DNAAF9: variants seen among roughly 807,000 people sequenced by gnomAD.
DNAAF9 encodes the protein shulin.
DNAAF9 carries 90 observed loss-of-function variants against 167.0 expected under a neutral mutation model. The ratio of observed to expected loss-of-function variants is 0.54; its 90% CI spans 0.45 to 0.64. The LOEUF is 0.64. Among genes scored for constraint, DNAAF9 ranks in the 30% least tolerant of loss-of-function variants. The pLI, the probability that DNAAF9 is intolerant of heterozygous loss-of-function variation, is 0.00. For synonymous variants in DNAAF9, 491 were observed against 508.8 expected, an observed-to-expected ratio of 0.96 and a Z score of 0.47; for missense variants, 1,315 against 1,442.2, an observed-to-expected ratio of 0.91 and a Z score of 1.43.
In DNAAF9 at chr20:3,272,373, C is replaced by A. The variant is rs6051704; in HGVS notation, c.2651-1811G>T. Among the ~76,000 whole-genome samples the A allele has an allele frequency of 2.3e-3, 349 of 152,046 alleles. 1 individual carries two copies. The highest frequency in any genetic ancestry group is 8.1e-3 in the African/African-American group (334 of 41,472). On this transcript the variant is annotated intron_variant, in intron 29 of 36. Coordinates refer to ENST00000252032, the MANE Select transcript of DNAAF9 (RefSeq NM_001009984.3). ...CTGTGTAGCTGGGACCACAGGTGTG[C>A]GTGCCACCATGCTTGGCTAATTTTT...
Position 3,407,620 on chromosome 20 carries a change from G to A in DNAAF9, c.-63C>T. On this transcript the variant is annotated 5_prime_UTR_variant, in exon 1 of 37. Transcript: ENST00000252032. The stretch of plus-strand genomic sequence containing the variant: ...CTGCGAGGGTCTCAGTTGCCCGCAG[G>A]GCGGCTCCACGCTAGCTGCGGCCGG... 3.3e-6 allele frequency: 4 copies of A among 1,197,400 alleles called. No homozygotes were observed. The highest frequency in any genetic ancestry group is 8.3e-5 in the South Asian group (2 of 24,060). The allele number at this position is 1,197,400 out of a possible 1,614,324, so 74.2% of individuals were successfully genotyped here.
At chr20:3,360,527 T>C (rs2083347888) in intron 6 of DNAAF9, among the ~76,000 whole-genome samples, 1 of 152,240 alleles carries the variant, frequency 6.6e-6, no homozygotes, top group Non-Finnish European at 1.5e-5. Flanking sequence ...TATTTTGGTA[T>C]GCATCCAAAT....
chr20:3,386,429 G>A (rs887489274), intron 1 of DNAAF9, among the ~76,000 whole-genome samples: 10 of 152,064 alleles, frequency 6.6e-5, no homozygotes, highest in Non-Finnish European at 1.3e-4. Flanking sequence ...GATATCTACG[G>A]GCAAAAATGT....
intron 28 of DNAAF9, among the ~76,000 whole-genome samples, chr20:3,279,996 C>G (rs1236957638): frequency 6.6e-6 from 1 of 152,212 alleles, no homozygotes; most frequent in Non-Finnish European, 1.5e-5. Context: ...TATTTGATTT[C>G]TGACAACAGC....
At position 3,256,219 on chromosome 20, in the gene DNAAF9, G is replaced by A; in HGVS notation, c.3056-8C>T. ...CCATGGTCCTCTCAGAGTCTGTAAG[G>A]AGAATACACATTAGTCCCTGAGAGC... is the stretch of plus-strand genomic sequence containing the variant. On this transcript the variant is annotated splice_region_variant and splice_polypyrimidine_tract_variant and intron_variant, in intron 33 of 36. Transcript: ENST00000252032. 2 of 1,602,800 alleles carry A rather than the reference G, an allele frequency of 1.2e-6. No individual in the cohort carries two copies. Among genetic ancestry groups the A allele is most frequent in the South Asian group, 1.1e-5 (1 of 90,854 alleles).
chr20:3,359,808 C>T (rs951627809), intron 6 of DNAAF9, among the ~76,000 whole-genome samples: 2 of 152,308 alleles, frequency 1.3e-5, no homozygotes, highest in Admixed American at 6.5e-5. Flanking sequence ...TACTGATTAT[C>T]TTCAATAATG....
At chr20:3,374,586 T>C (rs913214984) in intron 5 of DNAAF9, among the ~76,000 whole-genome samples, 2 of 152,234 alleles carry the variant, frequency 1.3e-5, no homozygotes, top group Non-Finnish European at 1.5e-5. Context: ...ATAGCTTCAA[T>C]GTGCAAGGTT....
intron 30 of DNAAF9, 120 bp from the exon 31 acceptor site, chr20:3,264,644 A>G (rs1234333922): frequency 1.5e-6 from 1 of 661,916 alleles, no homozygotes; most frequent in African/African-American, 1.8e-5. Context: ...ATCTTGGCTC[A>G]TTGCAACCTC....
At chr20:3,292,134 G>A (rs143206318) in intron 25 of DNAAF9, among the ~76,000 whole-genome samples, 315 of 152,096 alleles carry the variant, frequency 2.1e-3, no homozygotes, top group Middle Eastern at 0.014. Flanking sequence ...GAGTAGCTGG[G>A]ACTACAGGCA....
intron 5 of DNAAF9, among the ~76,000 whole-genome samples, chr20:3,374,595 T>C (rs1195540462): frequency 6.6e-6 from 1 of 152,152 alleles, no homozygotes; most frequent in Non-Finnish European, 1.5e-5. Context: ...ATGTGCAAGG[T>C]TTTTTCTTTT....
intron 32 of DNAAF9, 59 bp downstream of exon 32, chr20:3,259,863 C>A: frequency 1.0e-6 from 1 of 979,034 alleles, no homozygotes; most frequent in South Asian, 1.3e-5. Flanking sequence ...TACCAGGAGG[C>A]AGAATTAACT....
chr20:3,397,481 G>A (rs916656678), intron 1 of DNAAF9, among the ~76,000 whole-genome samples: 1 of 152,086 alleles, frequency 6.6e-6, no homozygotes, highest in African/African-American at 2.4e-5. Flanking sequence ...ACTAAGCCCA[G>A]CTAATTTTTT....
chr20:3,257,540 ATAT>A, intron 33 of DNAAF9, among the ~76,000 whole-genome samples: 1 of 152,010 alleles, frequency 6.6e-6, no homozygotes, highest in East Asian at 1.9e-4. Context: ...AGAAATAAAA[ATAT>A]TTATTTATTT....
chr20:3,290,380 A>G (rs979528693), intron 25 of DNAAF9, among the ~76,000 whole-genome samples, 163 bp from the exon 26 acceptor site: 2 of 152,216 alleles, frequency 1.3e-5, no homozygotes, highest in African/African-American at 4.8e-5. Flanking sequence ...CTATATTGTA[A>G]AGTGGGTGTG....
chr20:3,254,967 A>C (rs1331224456), intron 35 of DNAAF9, among the ~76,000 whole-genome samples: 3 of 152,210 alleles, frequency 2.0e-5, no homozygotes, highest in Admixed American at 6.5e-5. Flanking sequence ...GCTTCTGGTC[A>C]TCAGCTTCTC....
chr20:3,361,788 A>G, intron 6 of DNAAF9: 1 of 1,190,562 alleles, frequency 8.4e-7, no homozygotes, highest in East Asian at 2.4e-5. Context: ...GAGGTCTACA[A>G]GACATATCTA....
chr20:3,361,718 A>C (rs1213684719), intron 6 of DNAAF9, among the ~76,000 whole-genome samples: 1 of 152,246 alleles, frequency 6.6e-6, no homozygotes, highest in Non-Finnish European at 1.5e-5. Context: ...TGGACAAAAA[A>C]TTAGTATCAT....
intron 30 of DNAAF9, among the ~76,000 whole-genome samples, chr20:3,265,843 A>T (rs1366867901): frequency 6.6e-6 from 1 of 151,142 alleles, no homozygotes; most frequent in Non-Finnish European, 1.5e-5. Context: ...ACGCCCTGCT[A>T]ATTTTTGTAT....
chr20:3,314,959 T>G (rs193063708), intron 20 of DNAAF9, 74 bp downstream of exon 20: 9 of 793,420 alleles, frequency 1.1e-5, no homozygotes, highest in Non-Finnish European at 2.0e-5. Context: ...TATTATTAAT[T>G]ACAACACCCA....
Sources: gnomAD v4.1 joint callset for allele counts (sites outside exome capture counted in the v4.1 genomes callset) on GRCh38, gnomAD v4.1.1 for gene constraint, MANE v1.5 for transcripts, NCBI Gene and HGNC (gene_info 2026-07-23, HGNC 2026-07-21) for gene names.